SLC35F3: variants seen among roughly 807,000 people sequenced by gnomAD.
SLC35F3 encodes putative thiamine transporter SLC35F3.
SLC35F3 carries 25 observed loss-of-function variants against 49.9 expected under a neutral mutation model. The observed-to-expected ratio is 0.50, with a 90% CI of 0.37 to 0.70. The LOEUF is 0.70. Ranked by LOEUF, SLC35F3 falls within the 30% of genes least tolerant of loss-of-function variation. SLC35F3 has a pLI of 0.00. For synonymous variants in SLC35F3, 275 were observed against 265.4 expected, an observed-to-expected ratio of 1.04 and a Z score of -0.35; for missense variants, 525 against 639.8, an observed-to-expected ratio of 0.82 and a Z score of 1.94.
At chr1:234,069,547 AC>A (rs1345687417) in intron 2 of SLC35F3, among the ~76,000 whole-genome samples, 1 of 152,060 alleles carries the variant, frequency 6.6e-6, no homozygotes, top group African/African-American at 2.4e-5. Context: ...GAGCCACCGC[AC>A]CCGGCTGAGA....
At chr1:233,967,188 G>T (rs1189252503) in intron 2 of SLC35F3, among the ~76,000 whole-genome samples, 2 of 151,918 alleles carry the variant, frequency 1.3e-5, no homozygotes, top group Non-Finnish European at 2.9e-5. Flanking sequence ...ATTTTATTGG[G>T]CATGCTGTAT....
intron 2 of SLC35F3, among the ~76,000 whole-genome samples, chr1:234,093,854 C>T (rs145606600): frequency 6.6e-6 from 1 of 152,364 alleles, no homozygotes; most frequent in Non-Finnish European, 1.5e-5. Flanking sequence ...CACGTGGTGA[C>T]AAGATGATCC....
At chr1:233,933,001 G>A (rs1025422318) in intron 2 of SLC35F3, among the ~76,000 whole-genome samples, 13 of 138,544 alleles carry the variant, frequency 9.4e-5, no homozygotes, top group African/African-American at 3.2e-4. Flanking sequence ...AAGAGCATAT[G>A]CTTAAAGAAA....
intron 3 of SLC35F3, among the ~76,000 whole-genome samples, chr1:234,251,427 T>C (rs565814166): frequency 5.2e-5 from 7 of 133,484 alleles, no homozygotes; most frequent in African/African-American, 2.0e-4. Flanking sequence ...GTAGAAACTA[T>C]ATATATAGAA....
intron 2 of SLC35F3, among the ~76,000 whole-genome samples, chr1:233,974,162 G>A (rs1296808460): frequency 3.1e-5 from 4 of 127,772 alleles, no homozygotes; most frequent in Non-Finnish European, 6.6e-5. Flanking sequence ...ATTCCAGGAT[G>A]TATTTCTATT....
chr1:233,978,058 T>G (rs1488245023), intron 2 of SLC35F3, among the ~76,000 whole-genome samples: 1 of 152,186 alleles, frequency 6.6e-6, no homozygotes, highest in Non-Finnish European at 1.5e-5. Context: ...CAGTAAAGTA[T>G]TTCTGCAGGT....
chr1:234,251,479 AAAC>A (rs1429299639), intron 3 of SLC35F3, among the ~76,000 whole-genome samples: 205 of 150,424 alleles, frequency 1.4e-3, no homozygotes, highest in Non-Finnish European at 2.3e-3. Flanking sequence ...AAAAAAAAAA[AAAC>A]ACACACACAC....
At chr1:234,302,205 TA>T (rs1180332315) in intron 3 of SLC35F3, among the ~76,000 whole-genome samples, 2 of 151,642 alleles carry the variant, frequency 1.3e-5, no homozygotes, top group African/African-American at 2.4e-5. Context: ...AAAAGAAGAA[TA>T]CCAAAGAAGG....
intron 3 of SLC35F3, among the ~76,000 whole-genome samples, chr1:234,264,446 T>G (rs931306290): frequency 1.3e-5 from 2 of 152,330 alleles, no homozygotes; most frequent in East Asian, 1.9e-4. Flanking sequence ...TCTCCCTTTC[T>G]CTCTTAAACC....
intron 3 of SLC35F3, chr1:234,285,177 T>C (rs1668400558): frequency 9.7e-6 from 3 of 307,912 alleles, no homozygotes; most frequent in South Asian, 8.6e-5. Context: ...AGGTGGCTAC[T>C]CTTCACACTA....
chr1:234,262,225 A>G (rs1343613718), intron 3 of SLC35F3, among the ~76,000 whole-genome samples: 1 of 151,924 alleles, frequency 6.6e-6, no homozygotes, highest in Non-Finnish European at 1.5e-5. Flanking sequence ...AGTAATTATC[A>G]GTGAGAAGGA....
In SLC35F3 at chr1:234,291,127, A is replaced by G. The variant is rs1469195874; in HGVS notation, c.609-17974A>G. On this transcript the variant is annotated intron_variant, in intron 3 of 7. Transcript: ENST00000366618. The stretch of plus-strand genomic sequence containing the variant: ...GTCACATGCCTGTTCGCCACCCCCC[A>G]AACCACCAACCCCTCCCTGACACAC... Among the ~76,000 whole-genome samples, 8 of 152,204 alleles carry G rather than the reference A, an allele frequency of 5.3e-5. No individual in the cohort carries two copies. The East Asian group carries it at 1.5e-3, about 29-fold the overall frequency.
At chr1:234,036,379 T>A (rs746691240) in intron 2 of SLC35F3, among the ~76,000 whole-genome samples, 1 of 152,212 alleles carries the variant, frequency 6.6e-6, no homozygotes, top group Non-Finnish European at 1.5e-5. Context: ...TTGGGCTATT[T>A]AATTGAGGGA....
At chr1:233,947,238 C>T (rs1662526911) in intron 2 of SLC35F3, among the ~76,000 whole-genome samples, 1 of 152,146 alleles carries the variant, frequency 6.6e-6, no homozygotes, top group South Asian at 2.1e-4. Flanking sequence ...GATTCACCAA[C>T]TTCTGATTTC....
chr1:234,111,955 ATCC>A (rs1204936589), intron 2 of SLC35F3, among the ~76,000 whole-genome samples: 1 of 152,186 alleles, frequency 6.6e-6, no homozygotes, highest in Non-Finnish European at 1.5e-5. Context: ...AGAATAGCTC[ATCC>A]TCCGAGTGGA....
intron 2 of SLC35F3, among the ~76,000 whole-genome samples, chr1:234,098,487 T>TGGTGGTGG (rs1558228844): frequency 6.7e-6 from 1 of 148,516 alleles, no homozygotes; most frequent in Non-Finnish European, 1.5e-5. Context: ...GTGGTGACTG[T>TGGTGGTGG]TGGTGGTGGC....
chr1:234,023,176 G>A (rs976798939), intron 2 of SLC35F3, among the ~76,000 whole-genome samples: 3 of 152,198 alleles, frequency 2.0e-5, no homozygotes, highest in African/African-American at 4.8e-5. Context: ...AGAAGACCCA[G>A]GGCACACCCA....
At chr1:234,229,704 T>C (rs1667337602) in intron 2 of SLC35F3, among the ~76,000 whole-genome samples, 1 of 152,214 alleles carries the variant, frequency 6.6e-6, no homozygotes. Flanking sequence ...GTGATGCTAA[T>C]AGTGACAAAC....
At chr1:234,254,445 T>G (rs577834562) in intron 3 of SLC35F3, among the ~76,000 whole-genome samples, 157 of 152,334 alleles carry the variant, frequency 1.0e-3, no homozygotes, top group African/African-American at 3.6e-3. Flanking sequence ...TGTCACCATC[T>G]TCTCCCATCC....
Sources: gnomAD v4.1 joint callset for allele counts (sites outside exome capture counted in the v4.1 genomes callset) on GRCh38, gnomAD v4.1.1 for gene constraint, MANE v1.5 for transcripts, NCBI Gene and HGNC (gene_info 2026-07-23, HGNC 2026-07-21) for gene names.